The following PPFIA2 variants were observed in gnomAD, a reference collection of about 807,000 sequenced individuals.
The protein encoded by PPFIA2 is liprin-alpha-2.
Under a neutral mutation model 175.5 loss-of-function variants are expected in PPFIA2, and 46 were observed. That is an observed-to-expected ratio of 0.26 (90% CI 0.21 to 0.34). PPFIA2 has a LOEUF of 0.34. PPFIA2 is among the 10% of genes least tolerant of loss of function. The pLI, the probability that PPFIA2 is intolerant of heterozygous loss-of-function variation, is 1.00. For missense variants in PPFIA2, 1,179 were observed against 1,506.1 expected (o/e 0.78, Z 3.60); for synonymous variants, 568 against 511.4 (o/e 1.11, Z -1.49).
chr12:81,715,151 T>C (rs1354598642), intron 3 of PPFIA2, among the ~76,000 whole-genome samples: 1 of 149,454 alleles, frequency 6.7e-6, no homozygotes, highest in African/African-American at 2.4e-5. Context: ...GGAACATACA[T>C]TCAAATTTCT....
At chr12:81,588,422 C>G (rs1438561721) in intron 4 of PPFIA2, among the ~76,000 whole-genome samples, 1 of 151,956 alleles carries the variant, frequency 6.6e-6, no homozygotes, top group African/African-American at 2.4e-5. Flanking sequence ...TCATTCTCTG[C>G]TAAAGCCATT....
intron 4 of PPFIA2, among the ~76,000 whole-genome samples, chr12:81,483,907 C>T (rs1165487381): frequency 6.6e-6 from 1 of 151,956 alleles, no homozygotes; most frequent in Non-Finnish European, 1.5e-5. Context: ...AATCACCCTT[C>T]TCCCCCCTCC....
intron 4 of PPFIA2, among the ~76,000 whole-genome samples, chr12:81,466,922 A>G (rs1422556417): frequency 6.8e-6 from 1 of 147,528 alleles, no homozygotes; most frequent in African/African-American, 2.5e-5. Flanking sequence ...ATAATATTAA[A>G]TGTAATAAAT....
intron 5 of PPFIA2, among the ~76,000 whole-genome samples, chr12:81,453,422 C>T (rs990438786): frequency 6.6e-6 from 1 of 151,998 alleles, no homozygotes; most frequent in Non-Finnish European, 1.5e-5. Context: ...GTTCAGATAA[C>T]TTTGTCAAAA....
At chr12:81,507,051 T>A (rs992690886) in intron 4 of PPFIA2, among the ~76,000 whole-genome samples, 1 of 152,196 alleles carries the variant, frequency 6.6e-6, no homozygotes, top group Non-Finnish European at 1.5e-5. Flanking sequence ...CTTAAGAGAA[T>A]TGAGAAAATA....
At chr12:81,582,083 C>T (rs73362524) in intron 4 of PPFIA2, among the ~76,000 whole-genome samples, 1,741 of 151,896 alleles carry the variant, frequency 0.011, 24 homozygotes, top group African/African-American at 0.04. Flanking sequence ...TCCCCAATAT[C>T]GAGATTTGAC....
chr12:81,758,424 T>G lies in PPFIA2; in HGVS notation c.-27A>C. On this transcript the variant is annotated 5_prime_UTR_variant, in exon 2 of 33. Transcript: ENST00000549396. Reference sequence around the variant, plus strand: ...CCTAATGTCTGTGATTTCGGGTCCTTGCTTCTTCAATTGATCAATGACAAC... The same window carrying G: ...CCTAATGTCTGTGATTTCGGGTCCTGGCTTCTTCAATTGATCAATGACAAC... 2.2e-6 allele frequency: 1 copy of G among 456,556 alleles called. No homozygotes were observed. Among genetic ancestry groups the G allele is most frequent in the Middle Eastern group, 3.3e-4 (1 of 3,070 alleles). 28.3% of individuals were successfully genotyped at this position (456,556 alleles called of 1,614,324 possible).
chr12:81,483,503 C>G (rs1259230256), intron 4 of PPFIA2, among the ~76,000 whole-genome samples: 1 of 151,952 alleles, frequency 6.6e-6, no homozygotes, highest in Non-Finnish European at 1.5e-5. Flanking sequence ...AAGAAAGTAG[C>G]CTGGTAGTTG....
At chr12:81,450,112 G>T (rs1364569744) in intron 5 of PPFIA2, among the ~76,000 whole-genome samples, 1 of 152,106 alleles carries the variant, frequency 6.6e-6, no homozygotes, top group Non-Finnish European at 1.5e-5. Context: ...GTGTGCATGT[G>T]TCTTTATAGC....
intron 8 of PPFIA2, among the ~76,000 whole-genome samples, chr12:81,403,743 T>C (rs1039296628): frequency 6.6e-6 from 1 of 152,148 alleles, no homozygotes; most frequent in African/African-American, 2.4e-5. Context: ...TAAGCATGTA[T>C]AGGACTTCAG....
chr12:81,418,948 T>C (rs2045794827), intron 7 of PPFIA2, among the ~76,000 whole-genome samples: 1 of 151,982 alleles, frequency 6.6e-6, no homozygotes, highest in East Asian at 1.9e-4. Flanking sequence ...TGGAAACAGT[T>C]GAGAGAACAC....
intron 3 of PPFIA2, among the ~76,000 whole-genome samples, chr12:81,706,397 C>T (rs946731337): frequency 6.6e-6 from 1 of 152,168 alleles, no homozygotes; most frequent in Non-Finnish European, 1.5e-5. Context: ...TAGCAGAGAA[C>T]TTCATAACTA....
intron 3 of PPFIA2, among the ~76,000 whole-genome samples, chr12:81,686,006 C>G (rs1401047837): frequency 1.3e-5 from 2 of 151,962 alleles, no homozygotes; most frequent in Non-Finnish European, 2.9e-5. Context: ...AAAGGTCACA[C>G]AGCCAATAAG....
chr12:81,391,515 C>T (rs1359363896), intron 8 of PPFIA2, among the ~76,000 whole-genome samples: 1 of 151,876 alleles, frequency 6.6e-6, no homozygotes, highest in East Asian at 1.9e-4. Context: ...AGGGAAGTAA[C>T]ATGTAAAACT....
rs752936711 is a variant in PPFIA2 at position 81,405,797 on chromosome 12, A to T, written c.752T>A (p.Val251Asp). The T allele has an allele frequency of 1.9e-6, 3 of 1,560,466 alleles. 1 individual carries two copies. In the South Asian group the frequency reaches 3.5e-5, roughly 18 times the overall value. Residue 251 changes from valine to aspartate, a missense_variant, in exon 8 of 33, where the codon GTC becomes GAC. Physicochemically the swap from Val to Asp is radical, Grantham distance 152. Around this residue, in one of 10 missense-constraint regions of PPFIA2, gnomAD observed 226 missense variants for 216.6 expected, o/e 1.04. Transcript: ENST00000549396. ...TGGGGTGTGTCATACCTTCTCATGGACTTTCTGTCCAGGTTCCATCCCTTC... is the reference window on the plus strand; with the variant it reads ...TGGGGTGTGTCATACCTTCTCATGGTCTTTCTGTCCAGGTTCCATCCCTTC... ...HLEGMEPGQK[V>D]HEKRLSNGSI... is the part of the protein sequence containing the mutation.
intron 4 of PPFIA2, among the ~76,000 whole-genome samples, chr12:81,527,748 G>C (rs899905706): frequency 2.6e-5 from 4 of 152,116 alleles, no homozygotes; most frequent in Non-Finnish European, 4.4e-5. Flanking sequence ...AGGAGGTGGA[G>C]TCTTTGGAAG....
At chr12:81,724,198 A>T (rs2079723141) in intron 3 of PPFIA2, among the ~76,000 whole-genome samples, 1 of 150,992 alleles carries the variant, frequency 6.6e-6, no homozygotes, top group Non-Finnish European at 1.5e-5. Flanking sequence ...AGTGATTGTT[A>T]ATCGTTCTAC....
chr12:81,408,558 T>C (rs923826318), intron 7 of PPFIA2, among the ~76,000 whole-genome samples: 1 of 152,172 alleles, frequency 6.6e-6, no homozygotes, highest in Non-Finnish European at 1.5e-5. Context: ...AGGCCATCTA[T>C]AAAAGTTTAT....
chr12:81,575,854 T>G (rs1226608412), intron 4 of PPFIA2, among the ~76,000 whole-genome samples: 1 of 151,708 alleles, frequency 6.6e-6, no homozygotes, highest in Admixed American at 6.6e-5. Context: ...TGTTCCAAGG[T>G]CATGCACAGA....
Sources: allele counts gnomAD v4.1 joint callset (sites outside exome capture counted in the v4.1 genomes callset), GRCh38; gene constraint gnomAD v4.1.1; regional missense constraint gnomAD v4.1.1; transcripts MANE v1.5; gene names NCBI Gene and HGNC (gene_info 2026-07-23, HGNC 2026-07-21).